LEMD1: variants seen among roughly 807,000 people sequenced by gnomAD.
LEMD1 encodes LEM domain-containing protein 1.
In LEMD1, 18 loss-of-function variants were observed where a neutral mutation model predicts 17.4. That is an observed-to-expected ratio of 1.04 (90% CI 0.72 to 1.54). LEMD1 has a LOEUF of 1.54. Among genes scored for constraint, LEMD1 ranks in the 40% most tolerant of loss-of-function variants. The pLI is 0.00. For synonymous variants in LEMD1, 88 were observed against 77.8 expected (o/e 1.13, Z -0.69); for missense variants, 195 against 210.4 (o/e 0.93, Z 0.45).
chr1:205,394,425 C>A (rs12408614), intron 4 of LEMD1, among the ~76,000 whole-genome samples: 81,100 of 151,636 alleles, frequency 0.53, 21,954 homozygotes, highest in South Asian at 0.6. Context: ...CCTCTTGTTG[C>A]CCAGGCTGGA....
At chr1:205,396,086 T>C (rs978976840) in intron 4 of LEMD1, among the ~76,000 whole-genome samples, 1 of 152,198 alleles carries the variant, frequency 6.6e-6, no homozygotes, top group African/African-American at 2.4e-5. Flanking sequence ...AAGCTCATTG[T>C]AGCCTTGAAC....
intron 3 of LEMD1, 123 bp downstream of exon 3, chr1:205,419,107 C>T: frequency 8.9e-7 from 1 of 1,127,470 alleles, no homozygotes; most frequent in South Asian, 1.9e-5. Context: ...GCTTTCTGTG[C>T]AAAGAGGCCC....
Position 205,384,311 on chromosome 1 carries a change from A to T in LEMD1, c.324T>A (p.Asp108Glu). Residue 108 changes from aspartate to glutamate, a missense_variant, in exon 5 of 6, where the codon GAT (aspartate) becomes GAA (glutamate). Physicochemically the swap from Asp to Glu is conservative, Grantham distance 45. Transcript: ENST00000367153. ...ACCTTCTTCCCTTGGAAGGCTTATA[A>T]TCCAAGCAATAGGTATCTACAGCTT... ...KRKAVDTYCL[D>E]YKPSKGRRWA... 1 of 1,519,394 alleles carries T rather than the reference A, an allele frequency of 6.6e-7. No individual in the cohort carries two copies. The highest frequency in any genetic ancestry group is 2.6e-5 in the East Asian group (1 of 39,202). 94.1% of individuals were successfully genotyped at this position (1,519,394 alleles called of 1,614,324 possible). A position where few individuals can be genotyped will look rare whatever the true frequency, so the allele number is the denominator to read the frequency against.
chr1:205,404,028 A>T (rs1664975363), intron 4 of LEMD1, among the ~76,000 whole-genome samples: 1 of 152,070 alleles, frequency 6.6e-6, no homozygotes, highest in Non-Finnish European at 1.5e-5. Flanking sequence ...GGGTTTCTTA[A>T]TCCTGAGTTC....
intron 4 of LEMD1, among the ~76,000 whole-genome samples, chr1:205,406,267 G>A (rs1336629468): frequency 6.6e-6 from 1 of 152,262 alleles, no homozygotes; most frequent in Non-Finnish European, 1.5e-5. Context: ...GTCTGCAAAG[G>A]TTACTGCTGT....
At chr1:205,427,634 T>C (rs1666075050) in intron 1 of LEMD1, among the ~76,000 whole-genome samples, 1 of 152,144 alleles carries the variant, frequency 6.6e-6, no homozygotes, top group African/African-American at 2.4e-5. Flanking sequence ...TTGTGGGACA[T>C]CCATTTCTGT....
intron 4 of LEMD1, among the ~76,000 whole-genome samples, chr1:205,391,013 T>TATA (rs1395227563): frequency 6.6e-5 from 10 of 152,066 alleles, no homozygotes; most frequent in Admixed American, 6.6e-5. Context: ...CACCGCACAA[T>TATA]ATACCTGTGT....
intron 4 of LEMD1, among the ~76,000 whole-genome samples, chr1:205,402,115 A>G (rs1411663678): frequency 5.9e-5 from 9 of 152,240 alleles, no homozygotes; most frequent in East Asian, 1.9e-4. Flanking sequence ...GCCTTGTAGT[A>G]TAGTTTGAAG....
intron 4 of LEMD1, among the ~76,000 whole-genome samples, chr1:205,396,109 GC>G (rs1346151648): frequency 6.6e-6 from 1 of 152,130 alleles, no homozygotes; most frequent in East Asian, 1.9e-4. Context: ...CCAGGCTCAA[GC>G]CATCCTCCTG....
chr1:205,413,880 C>T (rs1665572913), intron 4 of LEMD1, among the ~76,000 whole-genome samples: 1 of 152,068 alleles, frequency 6.6e-6, no homozygotes. Context: ...TCTCGAACTC[C>T]TGGCCTCAAG....
intron 4 of LEMD1, among the ~76,000 whole-genome samples, chr1:205,393,612 G>T (rs1247036773): frequency 3.3e-5 from 5 of 151,944 alleles, no homozygotes; most frequent in African/African-American, 1.2e-4. Flanking sequence ...AGAGGCAGAG[G>T]TTGCAGTGAG....
chr1:205,400,209 G>A (rs1664776926), intron 4 of LEMD1, among the ~76,000 whole-genome samples: 1 of 152,116 alleles, frequency 6.6e-6, no homozygotes, highest in Admixed American at 6.5e-5. Context: ...CTACGGGCAC[G>A]TGCCACCATG....
At chr1:205,426,487 TG>T (rs1391673584), upstream of LEMD1, among the ~76,000 whole-genome samples, 3 of 152,034 alleles carry the variant, frequency 2.0e-5, no homozygotes, top group Non-Finnish European at 2.9e-5. Flanking sequence ...CTCCCCTGGT[TG>T]GGGGTGGTGT....
chr1:205,382,007 T>C (rs1663726393), intron 5 of LEMD1, 151 bp from the exon 6 acceptor site: 2 of 681,082 alleles, frequency 2.9e-6, no homozygotes, highest in East Asian at 2.6e-5. Flanking sequence ...GCTAATTTCT[T>C]TTTTTTTCTT....
In LEMD1 at chr1:205,448,263, C is replaced by T. The variant is rs1239440885; in HGVS notation, c.-39+1605G>A. 5.9e-6 allele frequency: 3 copies of T among 510,594 alleles called. No homozygotes were observed. Among genetic ancestry groups the T allele is most frequent in the South Asian group, 2.8e-5 (2 of 70,544 alleles). The allele number at this position is 510,594 out of a possible 1,614,324, so 31.6% of individuals were successfully genotyped here. A position where few individuals can be genotyped will look rare whatever the true frequency, so the allele number is the denominator to read the frequency against. On this transcript the variant is annotated intron_variant, in intron 1 of 3. Coordinates refer to the LEMD1 transcript ENST00000367154. This position sits in a 1 kb window ranked among gnomAD's most constrained non-coding sequence, Gnocchi z 4.7. Reference sequence around the variant, plus strand: ...TCTGGTGCCCCTTGGTGGCTGGCTCCGAACCTGGTCCCATGGGAGGTGCAG... The same window carrying T: ...TCTGGTGCCCCTTGGTGGCTGGCTCTGAACCTGGTCCCATGGGAGGTGCAG...
At chr1:205,401,414 T>C (rs1664846289) in intron 4 of LEMD1, among the ~76,000 whole-genome samples, 1 of 152,328 alleles carries the variant, frequency 6.6e-6, no homozygotes, top group Admixed American at 6.5e-5. Context: ...TGGTATCTCA[T>C]TGTGGTTTTG....
At chr1:205,433,564 C>G (rs1019866628) in intron 1 of LEMD1, among the ~76,000 whole-genome samples, 1 of 152,140 alleles carries the variant, frequency 6.6e-6, no homozygotes, top group African/African-American at 2.4e-5. Context: ...TGCATAGGGC[C>G]GGGACTCAAT....
At chr1:205,392,970 A>G (rs994372440) in intron 4 of LEMD1, among the ~76,000 whole-genome samples, 13 of 152,174 alleles carry the variant, frequency 8.5e-5, no homozygotes, top group African/African-American at 3.1e-4. Context: ...GTAGCCGGGC[A>G]TGGTGGTACA....
chr1:205,397,651 CTAGTGCT>C (rs1019248319), intron 4 of LEMD1, among the ~76,000 whole-genome samples: 12 of 152,146 alleles, frequency 7.9e-5, no homozygotes, highest in African/African-American at 2.9e-4. Flanking sequence ...TGAATAATGC[CTAGTGCT>C]TACGAAGCCC....
Sources: gnomAD v4.1 joint callset for allele counts (sites outside exome capture counted in the v4.1 genomes callset) on GRCh38, gnomAD v4.1.1 for gene constraint, Gnocchi (gnomAD v3.1) non-coding constraint, MANE v1.5 for transcripts, NCBI Gene and HGNC (gene_info 2026-07-23, HGNC 2026-07-21) for gene names.